KCNH7: variants seen among roughly 807,000 people sequenced by gnomAD.
The protein encoded by KCNH7 is potassium voltage-gated channel subfamily H member 7, also known as voltage-gated inwardly rectifying potassium channel KCNH7.
KCNH7 carries 49 observed loss-of-function variants against 120.8 expected under a neutral mutation model. The ratio of observed to expected loss-of-function variants is 0.41; its 90% CI spans 0.32 to 0.51. KCNH7 has a LOEUF of 0.51. KCNH7 is among the 20% of genes least tolerant of loss of function. The pLI is 0.38. For synonymous variants in KCNH7, 547 were observed against 516.1 expected, an observed-to-expected ratio of 1.06 and a Z score of -0.81; for missense variants, 1,097 against 1,446.6, an observed-to-expected ratio of 0.76 and a Z score of 3.92.
At chr2:162,511,480 C>CAAAAAAAAAAAAAAAAAAAAAAAAAA (rs34204046) in intron 5 of KCNH7, among the ~76,000 whole-genome samples, 1 of 96,008 alleles carries the variant, frequency 1.0e-5, no homozygotes, top group African/African-American at 3.8e-5. Context: ...GTGGACAGGT[C>CAAAAAAAAAAAAAAAAAAAAAAAAAA]AAAAAAAAAA....
chr2:162,522,985 A>T (rs1310368645), intron 3 of KCNH7, among the ~76,000 whole-genome samples: 1 of 152,022 alleles, frequency 6.6e-6, no homozygotes, highest in African/African-American at 2.4e-5. Context: ...TTGGTTCTTA[A>T]CCAAGAAAAC....
Position 162,455,569 on chromosome 2 carries a change from G to A in KCNH7, c.1129-9126C>T, listed in dbSNP as rs546143628. On this transcript the variant is annotated intron_variant, in intron 6 of 15. Coordinates refer to ENST00000332142, the MANE Select transcript of KCNH7 (RefSeq NM_033272.4). ...TCAGCTGTAAATCCGTCTGGTCCTG[G>A]GCTTTTTTTGGTTAGTAGGCTATTA... Among the ~76,000 whole-genome samples the A allele has an allele frequency of 1.5e-3, 228 of 152,116 alleles. 1 individual carries two copies. The Middle Eastern group carries it at 0.017, about 11-fold the overall frequency.
At chr2:162,450,850 G>T (rs549508988) in intron 6 of KCNH7, among the ~76,000 whole-genome samples, 1 of 152,102 alleles carries the variant, frequency 6.6e-6, no homozygotes. Flanking sequence ...ACTTTGGTAT[G>T]CCAGGAGGGA....
intron 2 of KCNH7, among the ~76,000 whole-genome samples, chr2:162,623,174 C>T (rs188912746): frequency 4.6e-5 from 7 of 152,218 alleles, no homozygotes; most frequent in African/African-American, 1.7e-4. Context: ...TTTTCCATAA[C>T]ATTAATCTAG....
intron 2 of KCNH7, among the ~76,000 whole-genome samples, chr2:162,738,169 A>T (rs976817570): frequency 3.3e-5 from 5 of 151,920 alleles, no homozygotes; most frequent in African/African-American, 1.2e-4. Context: ...TAAAAATTCT[A>T]ATCTTAAAAG....
intron 2 of KCNH7, among the ~76,000 whole-genome samples, chr2:162,672,738 GA>G (rs1306728785): frequency 2.6e-5 from 4 of 151,738 alleles, no homozygotes; most frequent in African/African-American, 9.7e-5. Flanking sequence ...GGCATATGAT[GA>G]ATTACTACAC....
chr2:162,741,793 C>T (rs1375415813), intron 2 of KCNH7, among the ~76,000 whole-genome samples: 2 of 152,106 alleles, frequency 1.3e-5, no homozygotes, highest in Non-Finnish European at 2.9e-5. Context: ...ACAAAATATA[C>T]AGTCATTTTT....
chr2:162,452,136 C>T (rs1688794316), intron 6 of KCNH7, among the ~76,000 whole-genome samples: 1 of 151,916 alleles, frequency 6.6e-6, no homozygotes, highest in African/African-American at 2.4e-5. Context: ...TTGGGCTTTG[C>T]CTCAGAACAA....
chr2:162,473,139 G>A (rs1248630965), intron 6 of KCNH7, among the ~76,000 whole-genome samples: 4 of 151,970 alleles, frequency 2.6e-5, no homozygotes, highest in Non-Finnish European at 5.9e-5. Context: ...GTTAATGGGT[G>A]CAGCACACCA....
At chr2:162,436,872 G>C (rs928854045) in intron 7 of KCNH7, among the ~76,000 whole-genome samples, 2 of 152,140 alleles carry the variant, frequency 1.3e-5, no homozygotes, top group African/African-American at 4.8e-5. Context: ...TACTTTGGCA[G>C]GCTGAAGCAG....
At chr2:162,518,770 G>T (rs938034594) in intron 3 of KCNH7, among the ~76,000 whole-genome samples, 4 of 150,264 alleles carry the variant, frequency 2.7e-5, no homozygotes, top group African/African-American at 9.7e-5. Context: ...TTTAAAGAGC[G>T]ATGTACTGTA....
At chr2:162,838,201 AT>A (rs1319783329) in intron 1 of KCNH7, among the ~76,000 whole-genome samples, 3 of 152,236 alleles carry the variant, frequency 2.0e-5, no homozygotes, top group Non-Finnish European at 4.4e-5. Context: ...AAGGCAGATA[AT>A]GGAGCAGTGG....
At chr2:162,643,827 A>G (rs1415240470) in intron 2 of KCNH7, among the ~76,000 whole-genome samples, 3 of 144,342 alleles carry the variant, frequency 2.1e-5, no homozygotes, top group Non-Finnish European at 4.6e-5. Flanking sequence ...AAAAAAAAAA[A>G]AGAAGAAAAG....
chr2:162,682,330 A>G (rs1685738614), intron 2 of KCNH7, among the ~76,000 whole-genome samples: 1 of 151,820 alleles, frequency 6.6e-6, no homozygotes, highest in African/African-American at 2.4e-5. Context: ...AGTTAGAACC[A>G]TAAAGCCTTG....
intron 2 of KCNH7, among the ~76,000 whole-genome samples, chr2:162,737,803 G>A (rs1221176797): frequency 1.3e-5 from 2 of 152,040 alleles, no homozygotes; most frequent in African/African-American, 2.4e-5. Context: ...GGTAGCTCAC[G>A]CCTGTAATCC....
At chr2:162,569,727 C>G (rs1693395364) in intron 2 of KCNH7, among the ~76,000 whole-genome samples, 1 of 151,896 alleles carries the variant, frequency 6.6e-6, no homozygotes, top group Non-Finnish European at 1.5e-5. Flanking sequence ...CTGGTATGTT[C>G]TGTCTTTGCT....
chr2:162,476,632 A>T (rs1689758673), intron 6 of KCNH7, among the ~76,000 whole-genome samples: 1 of 152,202 alleles, frequency 6.6e-6, no homozygotes, highest in Non-Finnish European at 1.5e-5. Flanking sequence ...AGTATACTTT[A>T]CTAAATATAT....
intron 2 of KCNH7, among the ~76,000 whole-genome samples, chr2:162,748,717 A>T (rs151055811): frequency 1.8e-4 from 28 of 152,236 alleles, no homozygotes; most frequent in African/African-American, 6.3e-4. Flanking sequence ...CTTTCCAATG[A>T]CTCTAAAGAT....
chr2:162,826,043 G>A (rs1433160583), intron 2 of KCNH7, among the ~76,000 whole-genome samples: 2 of 151,932 alleles, frequency 1.3e-5, no homozygotes, highest in Non-Finnish European at 2.9e-5. Context: ...ATAAGTCCTT[G>A]TTGAAGTGGT....
Sources: allele counts gnomAD v4.1 joint callset (sites outside exome capture counted in the v4.1 genomes callset), GRCh38; gene constraint gnomAD v4.1.1; transcripts MANE v1.5; gene names NCBI Gene and HGNC (gene_info 2026-07-23, HGNC 2026-07-21).